The following ST7 variants were observed in gnomAD, a reference collection of about 807,000 sequenced individuals.
The protein encoded by ST7 is suppression of tumorigenicity 7.
ST7 carries 28 observed loss-of-function variants against 78.7 expected under a neutral mutation model. The observed-to-expected ratio is 0.36, with a 90% CI of 0.26 to 0.49. ST7 has a LOEUF of 0.49. ST7 is among the 20% of genes least tolerant of loss of function. The probability of loss-of-function intolerance (pLI) is 0.99; values close to 1 mark genes in which losing one functional copy is unlikely to be tolerated. For missense variants in ST7, 418 were observed against 696.0 expected, an observed-to-expected ratio of 0.60 and a Z score of 4.49; for synonymous variants, 247 against 249.6, an observed-to-expected ratio of 0.99 and a Z score of 0.10.
At chr7:117,089,547 C>T (rs1479762713) in intron 1 of ST7, among the ~76,000 whole-genome samples, 1 of 151,090 alleles carries the variant, frequency 6.6e-6, no homozygotes, top group African/African-American at 2.4e-5. Context: ...ACCTAGAGCA[C>T]TTCAACAGTT....
intron 1 of ST7, chr7:117,076,746 C>T (rs13308921): frequency 0.13 from 19,561 of 152,646 alleles, 1,618 homozygotes; most frequent in South Asian, 0.23. Context: ...AGGATCCCTG[C>T]GACTCCTGAA....
intron 1 of ST7, among the ~76,000 whole-genome samples, chr7:116,982,282 T>C (rs1001722579): frequency 1.2e-4 from 18 of 152,204 alleles, no homozygotes; most frequent in African/African-American, 3.9e-4. Flanking sequence ...TGGAGTTCTA[T>C]GGTGCAATCT....
intron 10 of ST7, among the ~76,000 whole-genome samples, chr7:117,173,853 A>G (rs1377301222): frequency 1.3e-5 from 2 of 152,056 alleles, no homozygotes; most frequent in South Asian, 2.1e-4. Context: ...TGGGAACACA[A>G]TGGGATTAGT....
intron 1 of ST7, chr7:116,954,344 T>C (rs571697143): frequency 2.5e-4 from 38 of 152,296 alleles, no homozygotes; most frequent in African/African-American, 8.4e-4. Flanking sequence ...ATGGATGACG[T>C]GTCAGGTCAC....
intron 10 of ST7, among the ~76,000 whole-genome samples, chr7:117,178,459 C>T (rs993879553): frequency 1.3e-5 from 2 of 152,160 alleles, no homozygotes; most frequent in Non-Finnish European, 2.9e-5. Flanking sequence ...ACTTTCATCT[C>T]AACCTCTGTG....
Position 116,986,711 on chromosome 7 carries a change from C to A in ST7, c.151+33020C>A, listed in dbSNP as rs376083318. Among the ~76,000 whole-genome samples the A allele has an allele frequency of 2.0e-5, 3 of 152,164 alleles. 1 individual carries two copies. Among genetic ancestry groups the A allele is most frequent in the Admixed American group, 6.5e-5 (1 of 15,290 alleles). ...GTTTTGGATGTCAGTGGAAGAGATT[C>A]AAATATTCAAATTGAGATATTGGGT... On this transcript the variant is annotated intron_variant, in intron 1 of 15. Coordinates refer to ENST00000323984, the MANE Select transcript of ST7 (RefSeq NM_001369598.1).
intron 1 of ST7, among the ~76,000 whole-genome samples, chr7:116,992,816 A>G (rs185038464): frequency 6.6e-6 from 1 of 152,332 alleles, no homozygotes; most frequent in East Asian, 1.9e-4. Context: ...ACAGCACCCA[A>G]GTCACCCTTG....
chr7:117,148,926 C>T (rs538614345), intron 9 of ST7, among the ~76,000 whole-genome samples: 1 of 152,192 alleles, frequency 6.6e-6, no homozygotes, highest in African/African-American at 2.4e-5. Flanking sequence ...GAGGTGATCA[C>T]TGGAAACAGA....
At chr7:117,127,228 T>C (rs1803927100) in intron 3 of ST7, among the ~76,000 whole-genome samples, 1 of 151,894 alleles carries the variant, frequency 6.6e-6, no homozygotes. Context: ...TAAGAAACTC[T>C]TACCCTCTAG....
chr7:117,228,157 C>G (rs1298775832), intron 15 of ST7, among the ~76,000 whole-genome samples: 1 of 152,170 alleles, frequency 6.6e-6, no homozygotes, highest in Non-Finnish European at 1.5e-5. Flanking sequence ...TTTGATATTC[C>G]AAGCATCCAC....
intron 2 of ST7, among the ~76,000 whole-genome samples, chr7:117,110,725 C>T (rs1270294701): frequency 6.6e-6 from 1 of 152,212 alleles, no homozygotes; most frequent in Non-Finnish European, 1.5e-5. Context: ...GGGTTGTTTC[C>T]TTTCACTCTG....
chr7:117,116,193 G>A (rs1051712726), intron 2 of ST7, among the ~76,000 whole-genome samples: 10 of 152,164 alleles, frequency 6.6e-5, no homozygotes, highest in Admixed American at 2.0e-4. Context: ...GGAAAAAAGC[G>A]CAGGAGAGGT....
In ST7 at chr7:117,119,550, T is replaced by G. The variant is rs779988901; in HGVS notation, c.235-11T>G. 19 of 1,604,966 alleles carry G rather than the reference T, an allele frequency of 1.2e-5. No homozygotes were observed. The South Asian group carries it at 2.1e-4, about 18-fold the overall frequency. ...ACAGTGACCATAAACACGCTTATTT[T>G]TCTGTTCTAGATATTTGAATGGTGG... On this transcript the variant is annotated splice_polypyrimidine_tract_variant and intron_variant, in intron 2 of 15. Coordinates refer to ENST00000323984, the MANE Select transcript of ST7 (RefSeq NM_001369598.1).
At chr7:117,075,562 ATGT>A (rs1423259426) in intron 1 of ST7, among the ~76,000 whole-genome samples, 1 of 152,164 alleles carries the variant, frequency 6.6e-6, no homozygotes, top group Non-Finnish European at 1.5e-5. Flanking sequence ...AGATGGAAAG[ATGT>A]GTTTGTTTGC....
intron 1 of ST7, chr7:116,966,247 CTT>C (rs374887005): frequency 0.039 from 6,973 of 176,592 alleles, no homozygotes; most frequent in South Asian, 0.096. Context: ...TTTTTTCTTT[CTT>C]TTTTTTTTTT....
At chr7:117,180,126 C>T (rs38870) in intron 10 of ST7, among the ~76,000 whole-genome samples, 19,157 of 152,152 alleles carry the variant, frequency 0.13, 2,269 homozygotes, top group African/African-American at 0.31. Flanking sequence ...TCATTTGCTT[C>T]CGGGTAATCT....
At chr7:117,079,113 A>G (rs183392420) in intron 1 of ST7, among the ~76,000 whole-genome samples, 2 of 152,370 alleles carry the variant, frequency 1.3e-5, no homozygotes, top group African/African-American at 4.8e-5. Flanking sequence ...TTGCGTCTGT[A>G]CTAAACATGG....
intron 3 of ST7, among the ~76,000 whole-genome samples, chr7:117,123,464 A>G (rs1183605628): frequency 2.0e-5 from 3 of 152,172 alleles, no homozygotes; most frequent in African/African-American, 7.2e-5. Context: ...TCTGCGGGCC[A>G]GTGGAGAAAT....
At chr7:116,999,709 G>T (rs573585332) in intron 1 of ST7, among the ~76,000 whole-genome samples, 1 of 151,874 alleles carries the variant, frequency 6.6e-6, no homozygotes, top group South Asian at 2.1e-4. Context: ...TTGTTTAGAA[G>T]ATACTGTAAG....
Sources: allele counts gnomAD v4.1 joint callset (sites outside exome capture counted in the v4.1 genomes callset), GRCh38; gene constraint gnomAD v4.1.1; transcripts MANE v1.5; gene names NCBI Gene and HGNC (gene_info 2026-07-23, HGNC 2026-07-21).